DCC: variants seen among roughly 807,000 people sequenced by gnomAD.
DCC encodes the protein DCC netrin 1 receptor.
A neutral mutation model predicts 172.5 loss-of-function variants in DCC; 58 were observed. The ratio of observed to expected loss-of-function variants is 0.34; its 90% CI spans 0.27 to 0.42. The LOEUF (loss-of-function observed/expected upper bound fraction) is 0.42, where lower values mean the gene tolerates loss of function less well. Among genes scored for constraint, DCC ranks in the 10% least tolerant of loss-of-function variants. The probability of loss-of-function intolerance (pLI) is 1.00; values close to 1 mark genes in which losing one functional copy is unlikely to be tolerated. For missense variants in DCC, 1,740 were observed against 1,791.0 expected, an observed-to-expected ratio of 0.97 and a Z score of 0.51; for synonymous variants, 709 against 644.5, an observed-to-expected ratio of 1.10 and a Z score of -1.52.
At chr18:52,774,468 T>A (rs895546669) in intron 2 of DCC, among the ~76,000 whole-genome samples, 16 of 152,236 alleles carry the variant, frequency 1.1e-4, no homozygotes, top group African/African-American at 3.9e-4. Context: ...CTTCCCTGTT[T>A]ACTTTGTGCA....
chr18:52,831,125 CA>C (rs1422941260), intron 2 of DCC, among the ~76,000 whole-genome samples: 1 of 151,992 alleles, frequency 6.6e-6, no homozygotes, highest in Non-Finnish European at 1.5e-5. Context: ...ATATTTCAGG[CA>C]GAGGAAACAA....
At chr18:52,563,250 A>G (rs1175866769) in intron 1 of DCC, among the ~76,000 whole-genome samples, 2 of 152,204 alleles carry the variant, frequency 1.3e-5, no homozygotes, top group Non-Finnish European at 2.9e-5. Context: ...TTTATTTTAC[A>G]ATAAATAAAA....
chr18:52,708,743 A>T lies in DCC; in HGVS notation c.92-43311A>T, dbSNP rs867689251. On this transcript the variant is annotated intron_variant, in intron 1 of 28. Transcript: ENST00000442544. ...CCTTAGATGAGCTACCTAAAAACTA[A>T]CAGGAAAGAAAAATACAAGAGAAAA... is the stretch of plus-strand genomic sequence containing the variant. Among the ~76,000 whole-genome samples, 9 of 152,178 alleles carry T rather than the reference A, an allele frequency of 5.9e-5. No individual in the cohort carries two copies. The South Asian group carries it at 1.0e-3, about 17-fold the overall frequency.
intron 1 of DCC, among the ~76,000 whole-genome samples, chr18:52,560,002 A>G (rs1252175634): frequency 6.6e-6 from 1 of 152,202 alleles, no homozygotes; most frequent in Non-Finnish European, 1.5e-5. Flanking sequence ...TACATTGTAA[A>G]TGAGTACCTC....
chr18:53,426,635 G>A (rs973395282), intron 21 of DCC, among the ~76,000 whole-genome samples: 14 of 135,378 alleles, frequency 1.0e-4, no homozygotes, highest in African/African-American at 1.8e-4. Flanking sequence ...ACTGGGTCAC[G>A]TGTTTGTTTG....
intron 1 of DCC, among the ~76,000 whole-genome samples, chr18:52,636,972 A>C (rs910791131): frequency 3.3e-5 from 5 of 152,206 alleles, no homozygotes; most frequent in Admixed American, 6.5e-5. Context: ...TGAGAGACCC[A>C]TAGACGGTTC....
intron 13 of DCC, among the ~76,000 whole-genome samples, chr18:53,316,853 T>C (rs1445932939): frequency 3.9e-5 from 6 of 152,178 alleles, no homozygotes; most frequent in African/African-American, 1.4e-4. Context: ...GGGGCTGAGA[T>C]GATGGGGTTT....
At chr18:53,159,974 A>G (rs1301013131) in intron 8 of DCC, among the ~76,000 whole-genome samples, 1 of 152,156 alleles carries the variant, frequency 6.6e-6, no homozygotes, top group Middle Eastern at 3.2e-3. Flanking sequence ...GACAATGTGG[A>G]AAAGAAGTTG....
At chr18:52,627,513 G>A (rs1003203615) in intron 1 of DCC, among the ~76,000 whole-genome samples, 11 of 152,146 alleles carry the variant, frequency 7.2e-5, no homozygotes, top group Middle Eastern at 3.2e-3. Context: ...TTTATGATGC[G>A]TTGTATATAA....
intron 1 of DCC, among the ~76,000 whole-genome samples, chr18:52,648,628 G>A (rs545329170): frequency 1.6e-4 from 24 of 152,260 alleles, no homozygotes; most frequent in Admixed American, 1.0e-3. Context: ...CATCACAAGC[G>A]TCTTTTCACA....
chr18:53,116,106 TG>T (rs1301657845), intron 7 of DCC, among the ~76,000 whole-genome samples: 1 of 151,682 alleles, frequency 6.6e-6, no homozygotes, highest in Non-Finnish European at 1.5e-5. Context: ...AATGTCAAAA[TG>T]GAGCCAGATT....
At chr18:52,948,452 T>G (rs574247837) in intron 5 of DCC, among the ~76,000 whole-genome samples, 2 of 152,326 alleles carry the variant, frequency 1.3e-5, no homozygotes, top group South Asian at 4.1e-4. Context: ...TTATTGAACA[T>G]TAGCTATATA....
chr18:53,176,937 C>T (rs1476202125), intron 8 of DCC, among the ~76,000 whole-genome samples: 1 of 151,208 alleles, frequency 6.6e-6, no homozygotes, highest in Non-Finnish European at 1.5e-5. Context: ...CCCAAATGTC[C>T]AACAATGATA....
chr18:52,611,481 G>C (rs181852393), intron 1 of DCC, among the ~76,000 whole-genome samples: 94 of 152,234 alleles, frequency 6.2e-4, no homozygotes, highest in African/African-American at 1.6e-3. Context: ...TTGATACAAA[G>C]CATGTGTCTG....
intron 1 of DCC, among the ~76,000 whole-genome samples, chr18:52,518,557 G>T (rs1246302062): frequency 6.6e-6 from 1 of 152,104 alleles, no homozygotes; most frequent in Non-Finnish European, 1.5e-5. Flanking sequence ...CTTCTGACTT[G>T]GTGTATCTTA....
chr18:53,048,041 A>G (rs2144027773), intron 5 of DCC, among the ~76,000 whole-genome samples: 1 of 151,960 alleles, frequency 6.6e-6, no homozygotes, highest in East Asian at 1.9e-4. Context: ...TATTAAAGGC[A>G]TATTTTTAAA....
At chr18:53,507,515 T>C (rs2046195860) in intron 27 of DCC, among the ~76,000 whole-genome samples, 1 of 152,198 alleles carries the variant, frequency 6.6e-6, no homozygotes. Context: ...TGTTCCAGCA[T>C]TGACTTTCAT....
chr18:53,182,820 C>T (rs548977555), intron 9 of DCC, among the ~76,000 whole-genome samples: 2 of 152,218 alleles, frequency 1.3e-5, no homozygotes, highest in East Asian at 1.9e-4. Context: ...TCCTCCCTTC[C>T]TCCTTCCCGC....
At chr18:52,513,761 G>A (rs1422143788) in intron 1 of DCC, among the ~76,000 whole-genome samples, 2 of 152,074 alleles carry the variant, frequency 1.3e-5, no homozygotes, top group African/African-American at 4.8e-5. Context: ...AGCTATTTAT[G>A]GGCCTGCACT....
Sources: gnomAD v4.1 joint callset for allele counts (sites outside exome capture counted in the v4.1 genomes callset) on GRCh38, gnomAD v4.1.1 for gene constraint, MANE v1.5 for transcripts, NCBI Gene and HGNC (gene_info 2026-07-23, HGNC 2026-07-21) for gene names.